The following MRRF variants were observed in gnomAD, a reference collection of about 807,000 sequenced individuals.
MRRF encodes mitochondrial ribosome recycling factor.
A neutral mutation model predicts 25.1 loss-of-function variants in MRRF; 18 were observed. That is an observed-to-expected ratio of 0.72 (90% CI 0.50 to 1.06). The LOEUF (loss-of-function observed/expected upper bound fraction) is 1.06, where lower values mean the gene tolerates loss of function less well. Among genes scored for constraint, MRRF ranks in the 50% least tolerant of loss-of-function variants. The pLI is 0.00. For missense variants in MRRF, 323 were observed against 319.3 expected, an observed-to-expected ratio of 1.01 and a Z score of -0.09; for synonymous variants, 113 against 112.1, an observed-to-expected ratio of 1.01 and a Z score of -0.05.
chr9:122,291,147 A>G (rs1268488770), intron 4 of MRRF, among the ~76,000 whole-genome samples: 1 of 152,180 alleles, frequency 6.6e-6, no homozygotes, highest in Non-Finnish European at 1.5e-5. Flanking sequence ...CCAGGGTCAC[A>G]TGGTTACCAG....
At chr9:122,314,934 G>C (rs770264258) in intron 6 of MRRF, among the ~76,000 whole-genome samples, 5 of 152,156 alleles carry the variant, frequency 3.3e-5, no homozygotes, top group Admixed American at 1.3e-4. Context: ...GAACAGGCAT[G>C]TGGGCTGGAT....
intron 3 of MRRF, among the ~76,000 whole-genome samples, chr9:122,281,592 C>G (rs1833097844): frequency 6.6e-6 from 1 of 152,222 alleles, no homozygotes; most frequent in African/African-American, 2.4e-5. Flanking sequence ...CATTCAATCT[C>G]TCTCAACTGT....
chr9:122,319,446 A>G (rs1835742350), intron 6 of MRRF, among the ~76,000 whole-genome samples: 1 of 152,132 alleles, frequency 6.6e-6, no homozygotes, highest in African/African-American at 2.4e-5. Context: ...TTTTTATGTG[A>G]TCTTGGACAG....
intron 6 of MRRF, among the ~76,000 whole-genome samples, chr9:122,317,087 T>TATATATATAA (rs929157846): frequency 1.3e-5 from 2 of 150,314 alleles, no homozygotes; most frequent in Non-Finnish European, 3.0e-5. Context: ...TATATATATA[T>TATATATATAA]AAATCTTTGT....
At chr9:122,319,296 T>C (rs1233108984) in intron 6 of MRRF, among the ~76,000 whole-genome samples, 1 of 151,674 alleles carries the variant, frequency 6.6e-6, no homozygotes, top group East Asian at 1.9e-4. Flanking sequence ...GACTACAGGC[T>C]CCCGCCACCA....
In MRRF at chr9:122,331,324, T is replaced by A. The variant is rs181006408; in HGVS notation, c.*8707T>A. Reference sequence around the variant, plus strand: ...TTTTGTTTTTGGCATTAAAATATCCTTTCTATTATAAAATGATAAGTTGGT... The same window carrying A: ...TTTTGTTTTTGGCATTAAAATATCCATTCTATTATAAAATGATAAGTTGGT... On this transcript the variant is annotated 3_prime_UTR_variant, in exon 7 of 7. Coordinates refer to ENST00000344641, the MANE Select transcript of MRRF (RefSeq NM_138777.5). 1 of 152,386 alleles carries A rather than the reference T, an allele frequency of 6.6e-6. No individual in the cohort carries two copies. Among genetic ancestry groups the A allele is most frequent in the East Asian group, 1.9e-4 (1 of 5,188 alleles). 9.4% of individuals were successfully genotyped at this position (152,386 alleles called of 1,614,324 possible).
chr9:122,321,597 T>C (rs1835898198), intron 6 of MRRF, among the ~76,000 whole-genome samples: 1 of 152,240 alleles, frequency 6.6e-6, no homozygotes, highest in South Asian at 2.1e-4. Context: ...CTTATCCATT[T>C]CATCATAGCT....
intron 2 of MRRF, among the ~76,000 whole-genome samples, chr9:122,272,406 C>T (rs1832516337): frequency 6.6e-6 from 1 of 152,106 alleles, no homozygotes; most frequent in Non-Finnish European, 1.5e-5. Context: ...TGGCTCACAC[C>T]TGTAATCCCA....
intron 1 of MRRF, among the ~76,000 whole-genome samples, chr9:122,268,208 G>T (rs776997006): frequency 1.3e-5 from 2 of 152,182 alleles, no homozygotes; most frequent in Admixed American, 6.5e-5. Flanking sequence ...GCATTTCAGC[G>T]ATGTGGTTTA....
At chr9:122,309,478 A>T (rs1212687050) in intron 5 of MRRF, among the ~76,000 whole-genome samples, 1 of 152,112 alleles carries the variant, frequency 6.6e-6, no homozygotes, top group East Asian at 1.9e-4. Context: ...GGTGAGAATG[A>T]TCTTCCACTA....
intron 5 of MRRF, among the ~76,000 whole-genome samples, chr9:122,294,346 C>T (rs1206521461): frequency 6.6e-6 from 1 of 152,196 alleles, no homozygotes; most frequent in East Asian, 1.9e-4. Flanking sequence ...TAAATGATCA[C>T]TGTCGGTGCA....
chr9:122,315,095 A>G (rs923728761), intron 6 of MRRF, among the ~76,000 whole-genome samples: 1 of 149,756 alleles, frequency 6.7e-6, no homozygotes, highest in African/African-American at 2.5e-5. Context: ...TGGGGGGGGG[A>G]ATTTTAGGTG....
rs921624955 is a variant in MRRF at position 122,327,172 on chromosome 9, T to G, written c.*4555T>G. ...TAGCTCTTATGGAGACAGTAAAGAT[T>G]ACATATTAATCCCCCACCTGTTTGG... On this transcript the variant is annotated 3_prime_UTR_variant, in exon 7 of 7. Transcript: ENST00000344641. The G allele has an allele frequency of 1.3e-5, 2 of 152,212 alleles. No individual in the cohort carries two copies. Among genetic ancestry groups the G allele is most frequent in the African/African-American group, 4.8e-5 (2 of 41,440 alleles). The allele number at this position is 152,212 out of a possible 1,614,324, so 9.4% of individuals were successfully genotyped here. A position where few individuals can be genotyped will look rare whatever the true frequency, so the allele number is the denominator to read the frequency against.
Position 122,274,533 on chromosome 9 carries a change from GGTGT to G in MRRF, c.184+3497_184+3500del, listed in dbSNP as rs765131163. On this transcript the variant is annotated intron_variant, in intron 2 of 6. Transcript: ENST00000344641. ...CTTGCCTGTAAAGTAATATGAATCT[GGTGT>G]GTGTGTGTGTGTGTGTGTGTGTGTG... Among the ~76,000 whole-genome samples the G allele has an allele frequency of 8.8e-3, 1,239 of 140,628 alleles. 14 individuals carry two copies. Among genetic ancestry groups the G allele is most frequent in the East Asian group, 0.026 (124 of 4,710 alleles). The allele number at this position is 140,628 out of a possible 152,430, so 92.3% of individuals were successfully genotyped here. A position where few individuals can be genotyped will look rare whatever the true frequency, so the allele number is the denominator to read the frequency against.
In MRRF at chr9:122,322,631, C is replaced by A; in HGVS notation, c.*14C>A. The A allele has an allele frequency of 6.2e-7, 1 of 1,612,872 alleles. No individual in the cohort carries two copies. The highest frequency in any genetic ancestry group is 1.1e-5 in the South Asian group (1 of 91,034). On this transcript the variant is annotated 3_prime_UTR_variant, in exon 7 of 7. Coordinates refer to ENST00000344641, the MANE Select transcript of MRRF (RefSeq NM_138777.5). ...CTCCTTGGATGAAAGTCCACTGGGG[C>A]CAGCAATACTCCAGAGCCCAGTTTC...
chr9:122,281,766 T>C (rs1219571039), intron 3 of MRRF, among the ~76,000 whole-genome samples: 1 of 152,150 alleles, frequency 6.6e-6, no homozygotes, highest in East Asian at 1.9e-4. Context: ...GCTCCACTCT[T>C]GTTGAACTTA....
chr9:122,322,173 G>A lies in MRRF; in HGVS notation c.712-367G>A, dbSNP rs4837956. On this transcript the variant is annotated intron_variant, in intron 6 of 6. Transcript: ENST00000344641. ...CAGGAGATTGAGACCATTCTGGTGA[G>A]CACGGTGAAACCCCATCTCTACTAA... is the stretch of plus-strand genomic sequence containing the variant. Among the ~76,000 whole-genome samples, 325 of 152,126 alleles carry A rather than the reference G, an allele frequency of 2.1e-3. 3 individuals carry two copies. The highest frequency in any genetic ancestry group is 0.019 in the Admixed American group (293 of 15,284).
intron 5 of MRRF, among the ~76,000 whole-genome samples, chr9:122,309,751 A>G (rs1485698619): frequency 6.6e-6 from 1 of 152,180 alleles, no homozygotes; most frequent in African/African-American, 2.4e-5. Context: ...CATAATGTCT[A>G]TAATGTAGGT....
chr9:122,284,326 C>T lies in MRRF; in HGVS notation c.341-843C>T, dbSNP rs901161146. ...TTGGCTCTTGTTTTTCCTCTTGTTA[C>T]CCCTATGATCTTGGCCTGTTTATTC... On this transcript the variant is annotated intron_variant, in intron 3 of 6. Transcript: ENST00000344641. Among the ~76,000 whole-genome samples, 11 of 152,246 alleles carry T rather than the reference C, an allele frequency of 7.2e-5. No homozygotes were observed. The East Asian group carries it at 1.7e-3, about 24-fold the overall frequency.
Sources: allele counts gnomAD v4.1 joint callset (sites outside exome capture counted in the v4.1 genomes callset), GRCh38; gene constraint gnomAD v4.1.1; transcripts MANE v1.5; gene names NCBI Gene and HGNC (gene_info 2026-07-23, HGNC 2026-07-21).